NTRK3: variants seen among roughly 807,000 people sequenced by gnomAD.
The protein encoded by NTRK3 is neurotrophic receptor tyrosine kinase 3.
A neutral mutation model predicts 91.7 loss-of-function variants in NTRK3; 24 were observed. The ratio of observed to expected loss-of-function variants is 0.26; its 90% CI spans 0.19 to 0.37. NTRK3 has a LOEUF of 0.37. Ranked by LOEUF, NTRK3 falls within the 10% of genes least tolerant of loss-of-function variation. NTRK3 has a pLI of 1.00. For missense variants in NTRK3, 880 were observed against 1,068.9 expected, an observed-to-expected ratio of 0.82 and a Z score of 2.46; for synonymous variants, 483 against 404.0, an observed-to-expected ratio of 1.20 and a Z score of -2.34.
intron 13 of NTRK3, among the ~76,000 whole-genome samples, chr15:88,125,131 ACCCTT>A (rs2053149832): frequency 6.6e-6 from 1 of 152,038 alleles, no homozygotes; most frequent in African/African-American, 2.4e-5. Context: ...AGGGTTTTCT[ACCCTT>A]CTAATCCTCT....
exon 14 of NTRK3, chr15:88,032,973 G>A (rs761822626): frequency 5.2e-5 from 84 of 1,612,006 alleles, no homozygotes; most frequent in Admixed American, 1.3e-4. Flanking sequence ...TGACGAGGGC[G>A]TGGTGATGCC....
intron 13 of NTRK3, among the ~76,000 whole-genome samples, chr15:88,065,055 AC>A (rs2046530161): frequency 6.6e-6 from 1 of 152,202 alleles, no homozygotes; most frequent in Non-Finnish European, 1.5e-5. Context: ...CAACTATGTG[AC>A]GATAACTAAC....
At chr15:88,129,781 T>C (rs776436194) in intron 10 of NTRK3, among the ~76,000 whole-genome samples, 3 of 152,110 alleles carry the variant, frequency 2.0e-5, no homozygotes, top group Non-Finnish European at 4.4e-5. Flanking sequence ...AACAAAACAA[T>C]GATAGTCCTG....
At chr15:87,869,612 G>A (rs2064772631) in exon 19 of NTRK3, 1 of 209,734 alleles carries the variant, frequency 4.8e-6, no homozygotes, top group East Asian at 7.2e-5. Flanking sequence ...TGAGAAGCTG[G>A]ATTGTCAGTC....
intron 13 of NTRK3, among the ~76,000 whole-genome samples, chr15:88,083,589 T>C (rs1002993010): frequency 6.6e-6 from 1 of 152,066 alleles, no homozygotes; most frequent in African/African-American, 2.4e-5. Context: ...GTTAAGACAG[T>C]ATGGGCCAAG....
At chr15:88,150,656 T>C (rs2043288220) in intron 5 of NTRK3, among the ~76,000 whole-genome samples, 2 of 152,110 alleles carry the variant, frequency 1.3e-5, no homozygotes, top group South Asian at 4.1e-4. Flanking sequence ...GGAAACTGTA[T>C]TGCACAAGTT....
At chr15:87,884,799 T>A (rs1567068915) in intron 17 of NTRK3, among the ~76,000 whole-genome samples, 2 of 151,842 alleles carry the variant, frequency 1.3e-5, no homozygotes, top group Non-Finnish European at 3.0e-5. Context: ...TGATTAAAAG[T>A]CTAATTCATA....
exon 19 of NTRK3, chr15:87,868,010 C>T (rs933667348): frequency 8.7e-6 from 2 of 229,812 alleles, no homozygotes; most frequent in African/African-American, 2.2e-5. Context: ...GGGTATGTGT[C>T]GATAATAAGA....
At chr15:88,130,272 ATGAAATGCTC>A (rs1162768454) in intron 10 of NTRK3, among the ~76,000 whole-genome samples, 4 of 152,256 alleles carry the variant, frequency 2.6e-5, no homozygotes, top group Admixed American at 2.6e-4. Context: ...AGGTGGAAGA[ATGAAATGCTC>A]TTCCTTACAA....
chr15:88,113,908 C>G (rs964454873), intron 13 of NTRK3, among the ~76,000 whole-genome samples: 9 of 152,112 alleles, frequency 5.9e-5, no homozygotes, highest in South Asian at 2.1e-4. Flanking sequence ...GGCAGTATGA[C>G]CACCCAGCCT....
intron 17 of NTRK3, among the ~76,000 whole-genome samples, chr15:87,909,666 A>G (rs1231884170): frequency 1.3e-5 from 2 of 152,222 alleles, no homozygotes; most frequent in African/African-American, 2.4e-5. Context: ...GGGAAGTCCT[A>G]ACCCCAAGTT....
chr15:88,147,259 C>G, intron 6 of NTRK3, 76 bp downstream of exon 6: 1 of 1,362,014 alleles, frequency 7.3e-7, no homozygotes. Flanking sequence ...TCAGGTGGTT[C>G]CACTGCTTGA....
chr15:88,026,390 G>C (rs2078039315), intron 14 of NTRK3, among the ~76,000 whole-genome samples: 1 of 152,186 alleles, frequency 6.6e-6, no homozygotes. Context: ...ATCTGAAAAG[G>C]CTACACACTA....
exon 19 of NTRK3, chr15:87,876,685 A>T (rs910394590): frequency 4.6e-6 from 1 of 218,628 alleles, no homozygotes; most frequent in Non-Finnish European, 9.0e-6. Flanking sequence ...AACTCTCTGT[A>T]GATATAGATT....
chr15:88,107,777 T>A (rs906911039), intron 13 of NTRK3, among the ~76,000 whole-genome samples: 2 of 151,998 alleles, frequency 1.3e-5, no homozygotes, highest in African/African-American at 4.8e-5. Context: ...TATCACACGA[T>A]CTCAGACCTG....
chr15:88,098,563 T>C (rs975796794), intron 13 of NTRK3: 4 of 229,048 alleles, frequency 1.7e-5, no homozygotes, highest in Non-Finnish European at 3.5e-5. Context: ...TATGATAAAA[T>C]GCAGTTTCTT....
chr15:87,903,448 C>T (rs905714041), intron 17 of NTRK3, among the ~76,000 whole-genome samples: 2 of 152,196 alleles, frequency 1.3e-5, no homozygotes, highest in Non-Finnish European at 2.9e-5. Flanking sequence ...CAACCCCTTC[C>T]CTTGAAGACC....
At chr15:88,089,977 A>G (rs755711600) in intron 13 of NTRK3, among the ~76,000 whole-genome samples, 3 of 152,090 alleles carry the variant, frequency 2.0e-5, no homozygotes, top group South Asian at 4.2e-4. Context: ...GTCCAGCCAC[A>G]CTGTCCTCCA....
At chr15:87,869,338 A>G (rs2064766177) in exon 19 of NTRK3, 1 of 229,740 alleles carries the variant, frequency 4.4e-6, no homozygotes, top group South Asian at 1.8e-4. Flanking sequence ...GTGGAGACAC[A>G]TCACATGCAT....
Sources: allele counts gnomAD v4.1 joint callset (sites outside exome capture counted in the v4.1 genomes callset), GRCh38; gene constraint gnomAD v4.1.1; transcripts MANE v1.5; gene names NCBI Gene and HGNC (gene_info 2026-07-23, HGNC 2026-07-21).